Variants in NWD1 observed in about 807,000 individuals in gnomAD.
NWD1 encodes the protein NACHT and WD repeat domain containing 1, also known as NACHT domain- and WD repeat-containing protein 1.
NWD1 carries 129 observed loss-of-function variants against 135.1 expected under a neutral mutation model. That is an observed-to-expected ratio of 0.96 (90% confidence interval 0.83 to 1.11). The LOEUF (loss-of-function observed/expected upper bound fraction) is 1.11, where lower values mean the gene tolerates loss of function less well. NWD1 is among the 50% of genes least tolerant of loss of function. The probability of loss-of-function intolerance (pLI) is 0.00; values close to 1 mark genes in which losing one functional copy is unlikely to be tolerated. For synonymous variants in NWD1, 773 were observed against 786.0 expected, an observed-to-expected ratio of 0.98 and a Z score of 0.28; for missense variants, 1,740 against 1,851.3, an observed-to-expected ratio of 0.94 and a Z score of 1.10.
chr19:16,764,361 G>GTCCATCCA (rs71180332), intron 9 of NWD1, among the ~76,000 whole-genome samples: 2,172 of 145,178 alleles, frequency 0.015, 46 homozygotes, highest in East Asian at 0.042. Context: ...CCCATCTTCT[G>GTCCATCCA]TCCATCCATC....
Position 16,750,006 on chromosome 19 carries a change from C to G in NWD1, c.1364C>G (p.Pro455Arg). The change falls in exon 6 of 19, where the codon CCT (proline) becomes CGT (arginine). Residue 455 changes from proline to arginine, a missense_variant. By Grantham distance (103) the Pro-to-Arg change is moderately radical (BLOSUM62 -2). Transcript: ENST00000524140. ...VRHARRVPWL[P>R]LNCPPRVHLI... is the part of the protein sequence containing the mutation. Reference sequence around the variant, plus strand: ...CATGCTCGGAGGGTTCCCTGGCTGCCTCTCAACTGCCCCCCGAGGGTGCAC... The same window carrying G: ...CATGCTCGGAGGGTTCCCTGGCTGCGTCTCAACTGCCCCCCGAGGGTGCAC... 1 of 1,613,900 alleles carries G rather than the reference C, an allele frequency of 6.2e-7. No individual in the cohort carries two copies. Among genetic ancestry groups the G allele is most frequent in the South Asian group, 1.1e-5 (1 of 91,072 alleles).
chr19:16,756,952 C>T (rs965693947), intron 6 of NWD1, among the ~76,000 whole-genome samples: 7 of 152,110 alleles, frequency 4.6e-5, no homozygotes, highest in Admixed American at 2.6e-4. Context: ...GTTGCTTGAA[C>T]CTTATGAGAA....
chr19:16,728,838 G>A (rs558359681), intron 2 of NWD1, among the ~76,000 whole-genome samples: 5 of 151,682 alleles, frequency 3.3e-5, no homozygotes, highest in African/African-American at 1.2e-4. Context: ...CAGCTGCTCG[G>A]GAGGCTGAGG....
In NWD1 at chr19:16,809,033, G is replaced by A. The variant is rs368491608; in HGVS notation, c.4287+897G>A. 5.3e-5 allele frequency among the ~76,000 whole-genome samples: 8 copies of A among 152,218 alleles called. No individual in the cohort carries two copies. In the East Asian group the frequency reaches 1.5e-3, roughly 29 times the overall value. ...CGGATGCCACTGCTCTCTAGCCTGG[G>A]TGATAGAGCAAGGCCTGTCTCAAGA... is the stretch of plus-strand genomic sequence containing the variant. On this transcript the variant is annotated intron_variant, in intron 18 of 18. Coordinates refer to ENST00000524140, the MANE Select transcript of NWD1 (RefSeq NM_001007525.5).
At chr19:16,786,559 T>C (rs995153703) in intron 12 of NWD1, among the ~76,000 whole-genome samples, 4 of 151,540 alleles carry the variant, frequency 2.6e-5, no homozygotes, top group Non-Finnish European at 5.9e-5. Flanking sequence ...GACACTTTTT[T>C]TTTTTGAGAC....
chr19:16,749,182 C>T lies in NWD1; in HGVS notation c.540C>T (p.Asp180=), dbSNP rs749503123. 12 of 1,613,102 alleles carry T rather than the reference C, an allele frequency of 7.4e-6. No individual in the cohort carries two copies. Among genetic ancestry groups the T allele is most frequent in the Middle Eastern group, 1.7e-4 (1 of 6,056 alleles). The change falls in exon 6 of 19, where the codon GAC becomes GAT. Residue 180 remains aspartate, a synonymous_variant. Transcript: ENST00000524140. ...EIERSLLSSE[D]REQGATVFLR... Reference sequence around the variant, plus strand: ...AGCGGAGCCTGCTGAGCTCAGAGGACCGGGAACAGGGAGCCACCGTCTTCC... The same window carrying T: ...AGCGGAGCCTGCTGAGCTCAGAGGATCGGGAACAGGGAGCCACCGTCTTCC...
intron 11 of NWD1, among the ~76,000 whole-genome samples, chr19:16,777,731 G>GA (rs1969701295): frequency 2.0e-5 from 1 of 50,886 alleles, no homozygotes; most frequent in Non-Finnish European, 3.8e-5. Context: ...GGGGATGGGA[G>GA]GGAAAGGAAG....
rs149897388 is a variant in NWD1, at chr19:16,773,198, G to C, written c.2483G>C (p.Gly828Ala). The C allele has an allele frequency of 1.8e-4, 288 of 1,613,876 alleles. 2 individuals are homozygous for C. The highest frequency in any genetic ancestry group is 9.9e-4 in the Middle Eastern group (6 of 6,060). ...FFATSHPALV[G>A]QLCQQAQSWF... ...GCCACCTCACATCCAGCACTGGTGGGACAGCTATGCCAACAGGCCCAGAGC... is the reference window on the plus strand; with the variant it reads ...GCCACCTCACATCCAGCACTGGTGGCACAGCTATGCCAACAGGCCCAGAGC... Residue 828 changes from glycine (G) to alanine (A), a missense_variant, in exon 11 of 19, where the codon GGA becomes GCA. By Grantham distance (60) the Gly-to-Ala change is moderately conservative (BLOSUM62 0). Coordinates refer to ENST00000524140, the MANE Select transcript of NWD1 (RefSeq NM_001007525.5).
chr19:16,755,609 G>A (rs772476395), intron 6 of NWD1, among the ~76,000 whole-genome samples: 2 of 151,950 alleles, frequency 1.3e-5, no homozygotes, highest in African/African-American at 2.4e-5. Flanking sequence ...GGCTGGTCTC[G>A]AACTCCTGGC....
chr19:16,797,891 G>C lies in NWD1; in HGVS notation c.3459+5G>C. The C allele has an allele frequency of 6.2e-7, 1 of 1,611,800 alleles. No individual in the cohort carries two copies. Among genetic ancestry groups the C allele is most frequent in the South Asian group, 1.1e-5 (1 of 90,878 alleles). On this transcript the variant is annotated splice_donor_5th_base_variant and intron_variant, in intron 16 of 18. Coordinates refer to ENST00000524140, the MANE Select transcript of NWD1 (RefSeq NM_001007525.5). The stretch of plus-strand genomic sequence containing the variant: ...TCCCTTGATGCGCTCATTCAGGTGA[G>C]GGGAGATCTGGGACCCTTCATCCTC...
chr19:16,789,390 C>T (rs564428631), intron 13 of NWD1, among the ~76,000 whole-genome samples, 200 bp downstream of exon 13: 3 of 152,206 alleles, frequency 2.0e-5, no homozygotes, highest in African/African-American at 7.2e-5. Context: ...TTCTTTCTGA[C>T]CCCAAGATTT....
intron 10 of NWD1, among the ~76,000 whole-genome samples, chr19:16,769,385 C>A (rs1438018461): frequency 6.6e-6 from 1 of 151,890 alleles, no homozygotes. Context: ...TTGCTTGAAC[C>A]CAGCAGGCAG....
chr19:16,732,652 C>G (rs1343329984), intron 3 of NWD1, among the ~76,000 whole-genome samples: 1 of 21,684 alleles, frequency 4.6e-5, no homozygotes, highest in African/African-American at 5.3e-4. Context: ...AAGACTTCAT[C>G]TCAAAAAAAA....
At position 16,749,734 on chromosome 19, in the gene NWD1, C is replaced by G; in HGVS notation, c.1092C>G (p.His364Gln). 4 of 1,606,746 alleles carry G rather than the reference C, an allele frequency of 2.5e-6. No individual in the cohort carries two copies. Among genetic ancestry groups the G allele is most frequent in the Non-Finnish European group, 1.7e-6 (2 of 1,175,964 alleles). Residue 364 changes from histidine (H) to glutamine (Q), a missense_variant, in exon 6 of 19, where the codon CAC (histidine) becomes CAG (glutamine). Transcript: ENST00000524140. ...AGCAGATGCCAAGGCTGCTGGGGCA[C>G]AAGACAGTGACCGTCCTGCGGCTGC... ...LAEQMPRLLG[H>Q]KTVTVLRLLG... is the part of the protein sequence containing the mutation.
intron 18 of NWD1, among the ~76,000 whole-genome samples, chr19:16,810,417 G>A (rs1479919114): frequency 1.1e-4 from 14 of 126,980 alleles, no homozygotes; most frequent in African/African-American, 1.8e-4. Context: ...CAGCCTGGGC[G>A]ACAGAGTGAG....
chr19:16,753,193 C>T (rs1162864952), intron 6 of NWD1, among the ~76,000 whole-genome samples: 1 of 152,196 alleles, frequency 6.6e-6, no homozygotes, highest in African/African-American at 2.4e-5. Context: ...CCTTCGGCCC[C>T]TCTGGAACTT....
intron 14 of NWD1, among the ~76,000 whole-genome samples, 172 bp from the exon 15 acceptor site, chr19:16,794,291 G>A (rs1168429589): frequency 2.0e-5 from 3 of 152,132 alleles, no homozygotes; most frequent in Non-Finnish European, 2.9e-5. Flanking sequence ...GCTTGAACCC[G>A]GGAGGCGGAG....
intron 8 of NWD1, among the ~76,000 whole-genome samples, 155 bp downstream of exon 8, chr19:16,762,293 A>G (rs946691230): frequency 1.2e-4 from 11 of 91,064 alleles, no homozygotes; most frequent in South Asian, 3.7e-4. Context: ...TGTCCCCCCC[A>G]CTCCTTTTTT....
At chr19:16,793,074 A>C (rs2123061359) in intron 14 of NWD1, among the ~76,000 whole-genome samples, 1 of 151,874 alleles carries the variant, frequency 6.6e-6, no homozygotes, top group African/African-American at 2.4e-5. Context: ...AAAAAAAAGA[A>C]AAGAAAAGAA....
Sources: allele counts gnomAD v4.1 joint callset (sites outside exome capture counted in the v4.1 genomes callset), GRCh38; gene constraint gnomAD v4.1.1; transcripts MANE v1.5; gene names NCBI Gene and HGNC (gene_info 2026-07-23, HGNC 2026-07-21).